DOK5: variants seen among roughly 807,000 people sequenced by gnomAD.
The protein encoded by DOK5 is downstream of tyrosine kinase 5.
Under a neutral mutation model 43.3 loss-of-function variants are expected in DOK5, and 27 were observed. The ratio of observed to expected loss-of-function variants is 0.62; its 90% CI spans 0.46 to 0.86. The LOEUF is 0.86. DOK5 is among the 40% of genes least tolerant of loss of function. DOK5 has a pLI of 0.00. For missense variants in DOK5, 373 were observed against 392.9 expected (o/e 0.95, Z 0.43); for synonymous variants, 146 against 140.1 (o/e 1.04, Z -0.30).
intron 1 of DOK5, among the ~76,000 whole-genome samples, chr20:54,519,107 T>C (rs959525458): frequency 2.6e-5 from 4 of 152,192 alleles, no homozygotes; most frequent in Admixed American, 2.6e-4. Context: ...TAATCCCTAT[T>C]TTCAATGAGA....
chr20:54,537,998 C>A (rs1479712898), intron 1 of DOK5, among the ~76,000 whole-genome samples: 2 of 151,684 alleles, frequency 1.3e-5, no homozygotes, highest in Non-Finnish European at 2.9e-5. Context: ...ACCACCAAAC[C>A]CAGCTAATTT....
chr20:54,536,412 G>T (rs965814686), intron 1 of DOK5, among the ~76,000 whole-genome samples: 1 of 152,172 alleles, frequency 6.6e-6, no homozygotes, highest in African/African-American at 2.4e-5. Context: ...GTATTTACAG[G>T]CTTCCACTTT....
intron 5 of DOK5, among the ~76,000 whole-genome samples, chr20:54,603,347 C>T (rs1986357771): frequency 6.6e-6 from 1 of 152,234 alleles, no homozygotes; most frequent in South Asian, 2.1e-4. Flanking sequence ...TAGACTGCTG[C>T]TTTGTCTTAA....
chr20:54,563,785 C>A, intron 2 of DOK5, among the ~76,000 whole-genome samples: 1 of 149,730 alleles, frequency 6.7e-6, no homozygotes, highest in East Asian at 2.0e-4. Flanking sequence ...AAGCAAAGAT[C>A]TTTTAGTTGA....
chr20:54,591,228 T>C (rs1309931040), intron 4 of DOK5, among the ~76,000 whole-genome samples: 2 of 152,236 alleles, frequency 1.3e-5, no homozygotes, highest in Non-Finnish European at 2.9e-5. Context: ...TGCACCTGCA[T>C]CTTTTGTGAG....
intron 2 of DOK5, among the ~76,000 whole-genome samples, chr20:54,558,940 A>T (rs1984808180): frequency 6.6e-6 from 1 of 152,204 alleles, no homozygotes; most frequent in Admixed American, 6.5e-5. Flanking sequence ...AAAAATTGGA[A>T]AATAAACATA....
chr20:54,531,150 CT>C (rs1328899737), intron 1 of DOK5, among the ~76,000 whole-genome samples: 3 of 152,138 alleles, frequency 2.0e-5, no homozygotes. Context: ...TGCTTAGAGC[CT>C]TTGTGGTCCA....
intron 1 of DOK5, among the ~76,000 whole-genome samples, chr20:54,495,807 G>A (rs1177801089): frequency 5.9e-5 from 9 of 152,072 alleles, no homozygotes; most frequent in African/African-American, 1.9e-4. Context: ...GCTTGAACCC[G>A]GGAGTCGGAG....
chr20:54,642,396 A>T (rs556651114), intron 6 of DOK5, among the ~76,000 whole-genome samples: 1 of 152,134 alleles, frequency 6.6e-6, no homozygotes, highest in South Asian at 2.1e-4. Flanking sequence ...CACCCAACAC[A>T]AGTCAGTTTA....
intron 1 of DOK5, among the ~76,000 whole-genome samples, chr20:54,481,479 C>G (rs940175714): frequency 1.3e-5 from 2 of 152,130 alleles, no homozygotes; most frequent in South Asian, 2.1e-4. Context: ...TCAGACCACT[C>G]TATTTTATTT....
chr20:54,594,840 A>T (rs1052362437), intron 5 of DOK5, among the ~76,000 whole-genome samples: 4 of 152,206 alleles, frequency 2.6e-5, no homozygotes, highest in Admixed American at 6.5e-5. Flanking sequence ...TAAAATGAAC[A>T]CTGTACATAT....
chr20:54,605,194 A>G (rs1032081174), intron 5 of DOK5, among the ~76,000 whole-genome samples: 3 of 152,162 alleles, frequency 2.0e-5, no homozygotes, highest in African/African-American at 7.2e-5. Context: ...GAAGCAAGAA[A>G]ATATGAAACT....
chr20:54,526,473 C>A (rs1983580045), intron 1 of DOK5, among the ~76,000 whole-genome samples: 2 of 152,182 alleles, frequency 1.3e-5, no homozygotes, highest in African/African-American at 4.8e-5. Flanking sequence ...GCTGACAAGT[C>A]TGATGTTAAA....
chr20:54,562,610 G>C (rs563080413), intron 2 of DOK5, among the ~76,000 whole-genome samples: 5 of 152,168 alleles, frequency 3.3e-5, no homozygotes, highest in African/African-American at 1.2e-4. Flanking sequence ...TAGAGACAGG[G>C]TCTTGCTACA....
At chr20:54,580,675 T>C (rs1985610526) in intron 2 of DOK5, among the ~76,000 whole-genome samples, 1 of 152,182 alleles carries the variant, frequency 6.6e-6, no homozygotes, top group Non-Finnish European at 1.5e-5. Context: ...GAAATGTCTA[T>C]CTTTGAATAG....
intron 6 of DOK5, among the ~76,000 whole-genome samples, chr20:54,624,754 G>C (rs958727221): frequency 6.6e-6 from 1 of 152,170 alleles, no homozygotes; most frequent in Non-Finnish European, 1.5e-5. Flanking sequence ...AGATGGCTCC[G>C]AATAAATTGA....
At chr20:54,489,593 C>G (rs1982083455) in intron 1 of DOK5, among the ~76,000 whole-genome samples, 1 of 151,952 alleles carries the variant, frequency 6.6e-6, no homozygotes, top group Admixed American at 6.6e-5. Context: ...TTCCTTCCTT[C>G]CTTTTTTTTG....
At chr20:54,486,719 A>T (rs1458930286) in intron 1 of DOK5, among the ~76,000 whole-genome samples, 1 of 152,092 alleles carries the variant, frequency 6.6e-6, no homozygotes, top group East Asian at 1.9e-4. Context: ...ACTCTTTCTG[A>T]TCTTTACCTT....
intron 1 of DOK5, among the ~76,000 whole-genome samples, chr20:54,503,494 T>C (rs1181816485): frequency 6.8e-6 from 1 of 147,886 alleles, no homozygotes; most frequent in African/African-American, 2.7e-5. Flanking sequence ...ATGAAGTGTT[T>C]CCCAAATGTC....
Sources: allele counts gnomAD v4.1 joint callset (sites outside exome capture counted in the v4.1 genomes callset), GRCh38; gene constraint gnomAD v4.1.1; transcripts MANE v1.5; gene names NCBI Gene and HGNC (gene_info 2026-07-23, HGNC 2026-07-21).